Variants in FBXL17 observed in about 807,000 individuals in gnomAD.
FBXL17 encodes F-box/LRR-repeat protein 17.
In FBXL17, 22 loss-of-function variants were observed where a neutral mutation model predicts 66.2. The observed-to-expected ratio is 0.33, with a 90% CI of 0.24 to 0.47. FBXL17 has a LOEUF of 0.47. Among genes scored for constraint, FBXL17 ranks in the 20% least tolerant of loss-of-function variants. FBXL17 has a pLI of 1.00. For missense variants in FBXL17, 878 were observed against 948.2 expected (o/e 0.93, Z 0.97); for synonymous variants, 474 against 400.5 (o/e 1.18, Z -2.19).
chr5:108,289,717 G>A (rs570795047), intron 4 of FBXL17, among the ~76,000 whole-genome samples: 1 of 152,116 alleles, frequency 6.6e-6, no homozygotes, highest in African/African-American at 2.4e-5. Context: ...CTGTGTTTTG[G>A]GGAAAATTTC....
chr5:108,305,628 G>A (rs1375488582), intron 4 of FBXL17, among the ~76,000 whole-genome samples: 3 of 152,056 alleles, frequency 2.0e-5, no homozygotes, highest in Non-Finnish European at 2.9e-5. Context: ...GAACACAGAA[G>A]AAGAATATAG....
At chr5:108,246,949 G>A (rs1756127085) in intron 4 of FBXL17, among the ~76,000 whole-genome samples, 2 of 152,192 alleles carry the variant, frequency 1.3e-5, no homozygotes, top group Admixed American at 6.5e-5. Flanking sequence ...TAATATTGTG[G>A]AATTCACTAT....
intron 4 of FBXL17, among the ~76,000 whole-genome samples, chr5:108,255,915 G>A (rs1756557559): frequency 6.6e-6 from 1 of 152,136 alleles, no homozygotes; most frequent in Admixed American, 6.6e-5. Context: ...AGAAAATGCT[G>A]AACAAAGCAA....
rs547288398 is a variant in FBXL17 at position 108,064,523 on chromosome 5, C to G, written c.1746-43522G>C. On this transcript the variant is annotated intron_variant, in intron 6 of 8. Coordinates refer to ENST00000542267, the MANE Select transcript of FBXL17 (RefSeq NM_001163315.3). ...AGAGCCTCTCAATGGCAGCACTTAT[C>G]CAGGTCACTACAGTCAGGGCCTAGT... Among the ~76,000 whole-genome samples the G allele has an allele frequency of 1.1e-4, 16 of 152,248 alleles. No homozygotes were observed. The South Asian group carries it at 3.3e-3, about 32-fold the overall frequency.
intron 4 of FBXL17, among the ~76,000 whole-genome samples, chr5:108,256,496 A>C (rs2150120222): frequency 6.6e-6 from 1 of 152,250 alleles, no homozygotes; most frequent in South Asian, 2.1e-4. Flanking sequence ...CCCAGAGGTA[A>C]ACATTTTCAG....
chr5:108,326,517 C>T (rs1403332758), intron 4 of FBXL17, among the ~76,000 whole-genome samples: 5 of 151,860 alleles, frequency 3.3e-5, no homozygotes, highest in South Asian at 2.1e-4. Flanking sequence ...GCAGGAGAAT[C>T]GCTTAAACTC....
rs528461218 is a variant in FBXL17 at position 107,944,318 on chromosome 5, T to A, written c.1823-63139A>T. ...GAATGTAATGGTAGGTTTTATGCCC[T>A]TATTTATATCAAGGTCAATTTTATT... On this transcript the variant is annotated intron_variant, in intron 7 of 8. Transcript: ENST00000542267. Among the ~76,000 whole-genome samples the A allele has an allele frequency of 4.1e-4, 62 of 152,358 alleles. 1 individual carries two copies. The South Asian group carries it at 0.012, about 31-fold the overall frequency.
At chr5:108,168,594 T>G (rs547681749) in intron 6 of FBXL17, among the ~76,000 whole-genome samples, 2 of 152,166 alleles carry the variant, frequency 1.3e-5, no homozygotes, top group South Asian at 2.1e-4. Context: ...CCCAGGCAGT[T>G]TGCTCTATCT....
At chr5:108,126,672 T>C (rs1750727075) in intron 6 of FBXL17, among the ~76,000 whole-genome samples, 1 of 145,916 alleles carries the variant, frequency 6.9e-6, no homozygotes, top group African/African-American at 2.5e-5. Context: ...TACATATATA[T>C]ATATATATAT....
rs534666235 is a variant in FBXL17, at chr5:108,312,646, T to C, written c.1506+35753A>G. 7.9e-5 allele frequency among the ~76,000 whole-genome samples: 12 copies of C among 152,240 alleles called. 2 individuals carry two copies. The highest frequency in any genetic ancestry group is 2.6e-4 in the African/African-American group (11 of 41,560). On this transcript the variant is annotated intron_variant, in intron 4 of 8. Coordinates refer to ENST00000542267, the MANE Select transcript of FBXL17 (RefSeq NM_001163315.3). Reference sequence around the variant, plus strand: ...TTACTTCCAAGACAAGGTAATACTATAGTAAAAATAAAATTTCCACCCTTA... The same window carrying C: ...TTACTTCCAAGACAAGGTAATACTACAGTAAAAATAAAATTTCCACCCTTA...
chr5:107,926,689 T>A (rs1750535567), intron 7 of FBXL17, among the ~76,000 whole-genome samples: 1 of 151,904 alleles, frequency 6.6e-6, no homozygotes, highest in Non-Finnish European at 1.5e-5. Flanking sequence ...CTTTTTTTCA[T>A]TAAAAAAGAT....
At position 107,879,007 on chromosome 5, in the gene FBXL17, AC is replaced by A. The variant is rs1346230433; in HGVS notation, c.1965+2029del. 4 of 985,362 alleles carry A rather than the reference AC, an allele frequency of 4.1e-6. No homozygotes were observed. The African/African-American group carries it at 7.0e-5, about 17-fold the overall frequency. The allele number at this position is 985,362 out of a possible 1,614,324, so 61.0% of individuals were successfully genotyped here. A position where few individuals can be genotyped will look rare whatever the true frequency, so the allele number is the denominator to read the frequency against. On this transcript the variant is annotated intron_variant, in intron 8 of 8. Coordinates refer to ENST00000542267, the MANE Select transcript of FBXL17 (RefSeq NM_001163315.3). ...CCTCAGGGATACAGCTAATCTGAAT[AC>A]TGTCTCTATTTAATTTTGGACTAAT...
At chr5:108,144,986 T>G (rs917634380) in intron 6 of FBXL17, among the ~76,000 whole-genome samples, 1 of 152,144 alleles carries the variant, frequency 6.6e-6, no homozygotes, top group Non-Finnish European at 1.5e-5. Flanking sequence ...TTTAAACACA[T>G]TGTTTTAGGA....
At chr5:108,306,124 C>G (rs1758828564) in intron 4 of FBXL17, among the ~76,000 whole-genome samples, 1 of 151,864 alleles carries the variant, frequency 6.6e-6, no homozygotes, top group Non-Finnish European at 1.5e-5. Flanking sequence ...TTTAGGAGAT[C>G]TTTTTTACTT....
At chr5:107,981,640 T>C (rs902098949) in intron 7 of FBXL17, among the ~76,000 whole-genome samples, 3 of 152,256 alleles carry the variant, frequency 2.0e-5, no homozygotes, top group African/African-American at 7.2e-5. Flanking sequence ...CATTTTCTCT[T>C]TAAAGAAATC....
intron 6 of FBXL17, among the ~76,000 whole-genome samples, chr5:108,176,758 T>C (rs1474511538): frequency 6.6e-6 from 1 of 152,098 alleles, no homozygotes; most frequent in African/African-American, 2.4e-5. Context: ...CTATAAGTAC[T>C]AAAAGAATCA....
intron 7 of FBXL17, among the ~76,000 whole-genome samples, chr5:108,016,062 T>G (rs888866224): frequency 3.9e-5 from 6 of 152,324 alleles, no homozygotes; most frequent in South Asian, 2.1e-4. Flanking sequence ...GACAGAATAT[T>G]ATGTTTGACA....
chr5:107,976,529 A>C (rs887885900), intron 7 of FBXL17, among the ~76,000 whole-genome samples: 9 of 152,216 alleles, frequency 5.9e-5, no homozygotes, highest in African/African-American at 2.2e-4. Context: ...TGGCAGCAGA[A>C]ACCTGAAGGC....
At chr5:108,105,267 G>C (rs1749754465) in intron 6 of FBXL17, among the ~76,000 whole-genome samples, 1 of 152,198 alleles carries the variant, frequency 6.6e-6, no homozygotes, top group Non-Finnish European at 1.5e-5. Context: ...GGACCTTGGG[G>C]GCTGGACAAG....
Sources: allele counts gnomAD v4.1 joint callset (sites outside exome capture counted in the v4.1 genomes callset), GRCh38; gene constraint gnomAD v4.1.1; transcripts MANE v1.5; gene names NCBI Gene and HGNC (gene_info 2026-07-23, HGNC 2026-07-21).